The following KLF7 variants were observed in gnomAD, a reference collection of about 807,000 sequenced individuals.
KLF7 encodes the protein Krueppel-like factor 7.
In KLF7, 2 loss-of-function variants were observed where a neutral mutation model predicts 27.3. The ratio of observed to expected loss-of-function variants is 0.07; its 90% CI spans 0.03 to 0.23. The LOEUF (loss-of-function observed/expected upper bound fraction) is 0.23. Ranked by LOEUF, KLF7 falls within the 10% of genes least tolerant of loss-of-function variation. The pLI, the probability that KLF7 is intolerant of heterozygous loss-of-function variation, is 1.00. For synonymous variants in KLF7, 165 were observed against 162.4 expected, an observed-to-expected ratio of 1.02 and a Z score of -0.12; for missense variants, 221 against 394.1, an observed-to-expected ratio of 0.56 and a Z score of 3.72.
At chr2:207,135,299 T>C (rs749685674) in intron 1 of KLF7, among the ~76,000 whole-genome samples, 14 of 148,716 alleles carry the variant, frequency 9.4e-5, no homozygotes, top group Non-Finnish European at 1.9e-4. Flanking sequence ...TAGATAGCTC[T>C]GCTGTCATTG....
chr2:207,150,774 A>C (rs1358287375), intron 1 of KLF7, among the ~76,000 whole-genome samples: 1 of 152,212 alleles, frequency 6.6e-6, no homozygotes, highest in Non-Finnish European at 1.5e-5. Context: ...TTACCAAATC[A>C]GCATTCCATC....
chr2:207,144,052 TAG>T (rs1282470159), intron 1 of KLF7, among the ~76,000 whole-genome samples: 1 of 143,520 alleles, frequency 7.0e-6, no homozygotes, highest in African/African-American at 2.6e-5. Flanking sequence ...CATGCTTCAT[TAG>T]AGTCTTAACT....
rs548800185 is a variant in KLF7 at position 207,110,526 on chromosome 2, C to T, written c.733+13248G>A. ...GGCCCATTTCCTGGCAAAGCACCTCCCTCCCACGTACCAGCCTGGCAGCTG... is the reference window on the plus strand; with the variant it reads ...GGCCCATTTCCTGGCAAAGCACCTCTCTCCCACGTACCAGCCTGGCAGCTG... On this transcript the variant is annotated intron_variant, in intron 2 of 3. Transcript: ENST00000309446. Among the ~76,000 whole-genome samples, 5 of 152,294 alleles carry T rather than the reference C, an allele frequency of 3.3e-5. No homozygotes were observed. The South Asian group carries it at 6.2e-4, about 19-fold the overall frequency.
chr2:207,141,430 C>T (rs1303484100), intron 1 of KLF7, among the ~76,000 whole-genome samples: 1 of 152,056 alleles, frequency 6.6e-6, no homozygotes, highest in Non-Finnish European at 1.5e-5. Context: ...CAAACTCAAA[C>T]ACATTCAGGG....
rs191458196 is a variant in KLF7 at position 207,082,817 on chromosome 2, T to C, written c.858-1553A>G. Among the ~76,000 whole-genome samples, 164 of 152,366 alleles carry C rather than the reference T, an allele frequency of 1.1e-3. 1 individual carries two copies. In the Middle Eastern group the frequency reaches 0.02, roughly 19 times the overall value. ...TCCTGTTCAGGGCAGGATTTCCCTATGTTTGTTCATTCTTAAAACAAACAA... is the reference window on the plus strand; with the variant it reads ...TCCTGTTCAGGGCAGGATTTCCCTACGTTTGTTCATTCTTAAAACAAACAA... On this transcript the variant is annotated intron_variant, in intron 3 of 3. Coordinates refer to ENST00000309446, the MANE Select transcript of KLF7 (RefSeq NM_003709.4).
chr2:207,105,107 C>T (rs2076851714), intron 2 of KLF7, among the ~76,000 whole-genome samples: 1 of 152,124 alleles, frequency 6.6e-6, no homozygotes, highest in Non-Finnish European at 1.5e-5. Context: ...CATTTCATTC[C>T]GTCACCTTCT....
At chr2:207,113,607 TGGG>T (rs532527898) in intron 2 of KLF7, among the ~76,000 whole-genome samples, 27 of 64,472 alleles carry the variant, frequency 4.2e-4, no homozygotes, top group African/African-American at 1.4e-3. Context: ...GAATGGGGGG[TGGG>T]GGGGGGGGGG....
At chr2:207,166,939 G>GCGCCGCCGCCGC (rs200790025), upstream of KLF7, 578 of 751,922 alleles carry the variant, frequency 7.7e-4, 2 homozygotes, top group African/African-American at 9.5e-3. Context: ...CGCCCCGCGG[G>GCGCCGCCGCCGC]CGCCGCCGCC....
chr2:207,163,932 A>G (rs1201299224), intron 1 of KLF7, among the ~76,000 whole-genome samples: 3 of 152,276 alleles, frequency 2.0e-5, no homozygotes, highest in East Asian at 3.8e-4. Context: ...AAAAGGATGC[A>G]TTGAAGAAAG....
Position 207,165,678 on chromosome 2 carries a change from G to A in KLF7, c.-110C>T. 1 of 1,546,514 alleles carries A rather than the reference G, an allele frequency of 6.5e-7. No homozygotes were observed. On this transcript the variant is annotated 5_prime_UTR_variant, in exon 1 of 4. Coordinates refer to ENST00000309446, the MANE Select transcript of KLF7 (RefSeq NM_003709.4). ...CCCCCAAGAAGGCAGACATCCAGTGGCCCTTTTGTTTTGTTTTGTTTCAGT... is the reference window on the plus strand; with the variant it reads ...CCCCCAAGAAGGCAGACATCCAGTGACCCTTTTGTTTTGTTTTGTTTCAGT...
At chr2:207,131,554 C>A (rs1193873695) in intron 1 of KLF7, among the ~76,000 whole-genome samples, 1 of 152,164 alleles carries the variant, frequency 6.6e-6, no homozygotes, top group Non-Finnish European at 1.5e-5. Flanking sequence ...AATACTCATT[C>A]TTTTCTAACT....
intron 1 of KLF7, among the ~76,000 whole-genome samples, chr2:207,150,661 T>TAAAG (rs1445548523): frequency 1.3e-5 from 2 of 152,238 alleles, no homozygotes; most frequent in African/African-American, 4.8e-5. Flanking sequence ...TTTATACTGA[T>TAAAG]AAAGTCAGGA....
upstream of KLF7, among the ~76,000 whole-genome samples, chr2:207,171,694 G>A (rs1484116566): frequency 2.6e-5 from 4 of 152,178 alleles, no homozygotes. Flanking sequence ...CCAATTTTTA[G>A]TAGCAAAATA....
At chr2:207,168,601 G>C (rs1327908566), upstream of KLF7, among the ~76,000 whole-genome samples, 3 of 152,102 alleles carry the variant, frequency 2.0e-5, no homozygotes, top group East Asian at 5.8e-4. Context: ...CGGAGGAGGA[G>C]GCTTCCATTG....
At chr2:207,131,020 C>T (rs935426109) in intron 1 of KLF7, among the ~76,000 whole-genome samples, 2 of 152,114 alleles carry the variant, frequency 1.3e-5, no homozygotes, top group African/African-American at 4.8e-5. Flanking sequence ...ACCTATCTCG[C>T]CTAAAAGGGC....
intron 1 of KLF7, among the ~76,000 whole-genome samples, chr2:207,127,293 C>T (rs1010196172): frequency 6.6e-6 from 1 of 152,148 alleles, no homozygotes; most frequent in African/African-American, 2.4e-5. Flanking sequence ...CTGGGACAGT[C>T]CTGTCAAATC....
chr2:207,165,489 G>A lies in KLF7; in HGVS notation c.80C>T (p.Ser27Phe). 1 of 1,614,156 alleles carries A rather than the reference G, an allele frequency of 6.2e-7. No individual in the cohort carries two copies. The highest frequency in any genetic ancestry group is 8.5e-7 in the Non-Finnish European group (1 of 1,180,038). Residue 27 changes from serine to phenylalanine, a missense_variant, in exon 1 of 4, where the codon TCC (serine) becomes TTC (phenylalanine). Ser to Phe is a radical substitution (Grantham distance 155). Coordinates refer to ENST00000309446, the MANE Select transcript of KLF7 (RefSeq NM_003709.4). ...HDTGYFSALPSLEETWQQTCL... is the reference protein window; with the variant it reads ...HDTGYFSALPFLEETWQQTCL... ...CACCTGCTGCCAGGTCTCCTCCAGG[G>A]ATGGTAAAGCTGAGAAGTAGCCGGT...
rs1157137089 is a variant in KLF7 at position 207,079,421 on chromosome 2, G to A, written c.*1792C>T. The A allele has an allele frequency of 6.6e-6, 1 of 152,294 alleles. No homozygotes were observed. Among genetic ancestry groups the A allele is most frequent in the Admixed American group, 6.5e-5 (1 of 15,286 alleles). 9.4% of individuals were successfully genotyped at this position (152,294 alleles called of 1,614,324 possible). A position where few individuals can be genotyped will look rare whatever the true frequency, so the allele number is the denominator to read the frequency against. On this transcript the variant is annotated 3_prime_UTR_variant, in exon 4 of 4. Coordinates refer to ENST00000309446, the MANE Select transcript of KLF7 (RefSeq NM_003709.4). ...ACAGGAGGGGAGCCAGCTGGTAGGAGGGAGCAGCAACCGTGTGTGGACCAA... is the reference window on the plus strand; with the variant it reads ...ACAGGAGGGGAGCCAGCTGGTAGGAAGGAGCAGCAACCGTGTGTGGACCAA...
chr2:207,102,832 G>GTAT (rs751770150), intron 2 of KLF7, among the ~76,000 whole-genome samples: 1 of 152,196 alleles, frequency 6.6e-6, no homozygotes, highest in Non-Finnish European at 1.5e-5. Flanking sequence ...AACAAAGACT[G>GTAT]TATTTCCAAT....
Sources: allele counts gnomAD v4.1 joint callset (sites outside exome capture counted in the v4.1 genomes callset), GRCh38; gene constraint gnomAD v4.1.1; transcripts MANE v1.5; gene names NCBI Gene and HGNC (gene_info 2026-07-23, HGNC 2026-07-21).